The following CADM1 variants were observed in gnomAD, a reference collection of about 807,000 sequenced individuals.
CADM1 encodes the protein TSLC-1.
In CADM1, 15 loss-of-function variants were observed where a neutral mutation model predicts 53.1. The ratio of observed to expected loss-of-function variants is 0.28; its 90% CI spans 0.19 to 0.44. The LOEUF is 0.44. Ranked by LOEUF, CADM1 falls within the 20% of genes least tolerant of loss-of-function variation. The pLI, the probability that CADM1 is intolerant of heterozygous loss-of-function variation, is 1.00. For missense variants in CADM1, 434 were observed against 611.3 expected (o/e 0.71, Z 3.06); for synonymous variants, 281 against 243.0 (o/e 1.16, Z -1.45).
intron 1 of CADM1, among the ~76,000 whole-genome samples, chr11:115,492,143 A>G (rs1413219140): frequency 6.6e-6 from 1 of 152,192 alleles, no homozygotes; most frequent in Admixed American, 6.5e-5. Context: ...CTAAAGTAAA[A>G]TACAGCCAAA....
intron 5 of CADM1, among the ~76,000 whole-genome samples, chr11:115,221,189 G>A (rs1941392751): frequency 6.6e-6 from 1 of 152,152 alleles, no homozygotes; most frequent in Admixed American, 6.5e-5. Context: ...TTATAAAATG[G>A]AACTGCTATA....
chr11:115,477,066 A>G (rs1346608404), intron 1 of CADM1, among the ~76,000 whole-genome samples: 1 of 152,160 alleles, frequency 6.6e-6, no homozygotes, highest in Non-Finnish European at 1.5e-5. Context: ...AGAGTCGGGC[A>G]GGATAGGGCA....
intron 1 of CADM1, among the ~76,000 whole-genome samples, chr11:115,305,838 T>A (rs1944350658): frequency 7.4e-6 from 1 of 136,034 alleles, no homozygotes; most frequent in East Asian, 2.1e-4. Context: ...TTAGTTCTGA[T>A]CAAATTCTGC....
intron 7 of CADM1, among the ~76,000 whole-genome samples, chr11:115,209,937 C>G (rs187741738): frequency 7.2e-5 from 11 of 152,106 alleles, no homozygotes; most frequent in African/African-American, 2.2e-4. Flanking sequence ...ATACGACACC[C>G]CTCTTCCCTA....
At chr11:115,255,597 T>C in intron 1 of CADM1, among the ~76,000 whole-genome samples, 1 of 152,130 alleles carries the variant, frequency 6.6e-6, no homozygotes, top group East Asian at 1.9e-4. Context: ...AAGGAGATCC[T>C]AGAAAGAGAA....
At chr11:115,502,892 A>G (rs1949760187) in intron 1 of CADM1, among the ~76,000 whole-genome samples, 1 of 152,132 alleles carries the variant, frequency 6.6e-6, no homozygotes, top group African/African-American at 2.4e-5. Flanking sequence ...CGTGGCCCCA[A>G]CGCTGTGCCC....
At chr11:115,292,181 A>T (rs1311765477) in intron 1 of CADM1, among the ~76,000 whole-genome samples, 2 of 152,212 alleles carry the variant, frequency 1.3e-5, no homozygotes, top group African/African-American at 4.8e-5. Context: ...GTCTAAAGTC[A>T]AGGGATTCCA....
chr11:115,420,947 C>T (rs1297575814), intron 1 of CADM1, among the ~76,000 whole-genome samples: 30 of 152,190 alleles, frequency 2.0e-4, no homozygotes, highest in Non-Finnish European at 1.5e-5. Flanking sequence ...TAATTCCCTA[C>T]TGCTTTCATA....
At chr11:115,452,509 G>T (rs2135352030) in intron 1 of CADM1, among the ~76,000 whole-genome samples, 1 of 152,302 alleles carries the variant, frequency 6.6e-6, no homozygotes, top group African/African-American at 2.4e-5. Flanking sequence ...CAGTATGTTT[G>T]ATTTGTACAC....
At chr11:115,289,591 TTC>T (rs1943826689) in intron 1 of CADM1, among the ~76,000 whole-genome samples, 2 of 126,726 alleles carry the variant, frequency 1.6e-5, no homozygotes, top group African/African-American at 3.5e-5. Context: ...TTCTTTTTTT[TTC>T]TTTTTTTTTT....
chr11:115,290,945 C>T (rs1436358350), intron 1 of CADM1, among the ~76,000 whole-genome samples: 1 of 152,196 alleles, frequency 6.6e-6, no homozygotes, highest in Non-Finnish European at 1.5e-5. Flanking sequence ...CAAAACATCT[C>T]CAAATAGAAT....
intron 1 of CADM1, among the ~76,000 whole-genome samples, chr11:115,258,827 A>T (rs1942874728): frequency 6.6e-6 from 1 of 152,158 alleles, no homozygotes; most frequent in South Asian, 2.1e-4. Flanking sequence ...TTCAAATAGG[A>T]AGAGTCCTAC....
chr11:115,307,888 T>C (rs1290170958), intron 1 of CADM1, among the ~76,000 whole-genome samples: 6 of 151,884 alleles, frequency 4.0e-5, no homozygotes, highest in African/African-American at 9.7e-5. Context: ...GTTTGATAGC[T>C]ACAACTGGGC....
intron 1 of CADM1, among the ~76,000 whole-genome samples, chr11:115,379,539 A>G (rs926264386): frequency 3.3e-5 from 5 of 152,220 alleles, no homozygotes; most frequent in African/African-American, 9.6e-5. Context: ...GAAGCTCACA[A>G]TATTCACTGA....
At chr11:115,345,637 G>A (rs1020003667) in intron 1 of CADM1, among the ~76,000 whole-genome samples, 2 of 152,070 alleles carry the variant, frequency 1.3e-5, no homozygotes, top group East Asian at 3.9e-4. Context: ...TTAATCTTTA[G>A]CTTTACCCAC....
intron 1 of CADM1, among the ~76,000 whole-genome samples, chr11:115,347,601 A>G (rs910717572): frequency 3.3e-5 from 5 of 152,232 alleles, no homozygotes; most frequent in Admixed American, 6.5e-5. Context: ...ATGCAAGAAG[A>G]TAAGATTTTC....
In CADM1 at chr11:115,169,788, A is replaced by C; in HGVS notation, c.*6686T>G. ...GCTTTTGTGGATTAGCTAGACTTGC[A>C]CTTGCCAGCATCCATTGCAGGTTTA... On this transcript the variant is annotated 3_prime_UTR_variant, in exon 12 of 12. Transcript: ENST00000331581. 3.1e-6 allele frequency: 1 copy of C among 319,614 alleles called. No homozygotes were observed. Among genetic ancestry groups the C allele is most frequent in the Non-Finnish European group, 6.3e-6 (1 of 159,716 alleles). 19.8% of individuals were successfully genotyped at this position (319,614 alleles called of 1,614,324 possible). A position where few individuals can be genotyped will look rare whatever the true frequency, so the allele number is the denominator to read the frequency against.
At chr11:115,281,722 A>G (rs1264835452) in intron 1 of CADM1, among the ~76,000 whole-genome samples, 2 of 152,254 alleles carry the variant, frequency 1.3e-5, no homozygotes, top group African/African-American at 4.8e-5. Context: ...TTAAGTGGAA[A>G]TACATGAGCT....
chr11:115,404,918 C>T lies in CADM1; in HGVS notation c.124+99353G>A, dbSNP rs201074772. ...CAGCAAAGGATTCGGCATTAGGAAA[C>T]TGAGAGAAGAGAAAACTCAACAGGC... On this transcript the variant is annotated intron_variant, in intron 1 of 11. Coordinates refer to ENST00000331581, the MANE Select transcript of CADM1 (RefSeq NM_001301043.2). Among the ~76,000 whole-genome samples, 20 of 149,968 alleles carry T rather than the reference C, an allele frequency of 1.3e-4. No individual in the cohort carries two copies. The East Asian group carries it at 3.6e-3, about 27-fold the overall frequency.
Sources: gnomAD v4.1 joint callset for allele counts (sites outside exome capture counted in the v4.1 genomes callset) on GRCh38, gnomAD v4.1.1 for gene constraint, MANE v1.5 for transcripts, NCBI Gene and HGNC (gene_info 2026-07-23, HGNC 2026-07-21) for gene names.